JAKMIP3: variants seen among roughly 807,000 people sequenced by gnomAD.
The protein encoded by JAKMIP3 is janus kinase and microtubule-interacting protein 3.
JAKMIP3 carries 58 observed loss-of-function variants against 118.5 expected under a neutral mutation model. The ratio of observed to expected loss-of-function variants is 0.49; its 90% CI spans 0.40 to 0.61. The LOEUF (loss-of-function observed/expected upper bound fraction) is 0.61, where lower values mean the gene tolerates loss of function less well. JAKMIP3 is among the 20% of genes least tolerant of loss of function. The pLI is 0.00. For missense variants in JAKMIP3, 950 were observed against 1,109.0 expected (o/e 0.86, Z 2.04); for synonymous variants, 486 against 451.2 (o/e 1.08, Z -0.98).
chr10:132,043,359 T>G (rs1190636383), intron 1 of JAKMIP3, among the ~76,000 whole-genome samples: 2 of 152,086 alleles, frequency 1.3e-5, no homozygotes, highest in Non-Finnish European at 2.9e-5. Context: ...CATGAGCCAC[T>G]GCACCTGGCC....
intron 1 of JAKMIP3, among the ~76,000 whole-genome samples, chr10:132,084,633 G>A (rs1433351334): frequency 6.6e-6 from 1 of 152,110 alleles, no homozygotes; most frequent in African/African-American, 2.4e-5. Flanking sequence ...GGTGACAGTG[G>A]GTATCCTTGT....
chr10:132,176,780 A>T lies in JAKMIP3; in HGVS notation c.*1104-5577A>T, dbSNP rs12244282. 2.5e-3 allele frequency among the ~76,000 whole-genome samples: 385 copies of T among 151,808 alleles called. 2 individuals are homozygous for T. The highest frequency in any genetic ancestry group is 9.1e-3 in the African/African-American group (376 of 41,392). The stretch of plus-strand genomic sequence containing the variant: ...GGGCTTTACCTCCCCTCTGGTGGAC[A>T]TTTGGTTATTTCCAGGCTTCTGCTT... On this transcript the variant is annotated intron_variant, in intron 23 of 23. Coordinates refer to ENST00000684848, the MANE Select transcript of JAKMIP3 (RefSeq NM_001323087.2).
At chr10:132,043,835 GT>G (rs1235132229) in intron 1 of JAKMIP3, among the ~76,000 whole-genome samples, 1 of 152,198 alleles carries the variant, frequency 6.6e-6, no homozygotes, top group Non-Finnish European at 1.5e-5. Flanking sequence ...CTCCTGGGTT[GT>G]TTTCCTTAAC....
chr10:132,141,537 C>T (rs756187148), intron 10 of JAKMIP3, among the ~76,000 whole-genome samples: 2 of 152,158 alleles, frequency 1.3e-5, no homozygotes, highest in Non-Finnish European at 2.9e-5. Context: ...CAGAGCAGAG[C>T]GTGTGCAGGC....
At chr10:132,157,228 G>A (rs1379411904) in intron 19 of JAKMIP3, among the ~76,000 whole-genome samples, 2 of 152,130 alleles carry the variant, frequency 1.3e-5, no homozygotes, top group Non-Finnish European at 2.9e-5. Flanking sequence ...GAAGTGCGGG[G>A]TGTAACCACA....
intron 11 of JAKMIP3, among the ~76,000 whole-genome samples, chr10:132,142,898 A>G (rs941201835): frequency 1.3e-4 from 20 of 152,008 alleles, no homozygotes; most frequent in African/African-American, 4.8e-4. Flanking sequence ...CAATTCTGCA[A>G]CTTAGGGTGG....
chr10:132,153,139 T>G (rs1293521655), intron 17 of JAKMIP3, 116 bp downstream of exon 17: 73 of 781,990 alleles, frequency 9.3e-5, no homozygotes. Context: ...GTTTGGGGGG[T>G]CCACTAAGCC....
In JAKMIP3 at chr10:132,168,230, C is replaced by T. The variant is rs879431315; in HGVS notation, c.*300C>T. ...GGTCCCTTCTCCCGGACGGCAGCCC[C>T]CATCCCATTTCCAGGGATGTGTAGC... On this transcript the variant is annotated 3_prime_UTR_variant, in exon 23 of 24. Coordinates refer to ENST00000684848, the MANE Select transcript of JAKMIP3 (RefSeq NM_001323087.2). 1.1e-5 allele frequency: 14 copies of T among 1,289,232 alleles called. No individual in the cohort carries two copies. The Admixed American group carries it at 2.3e-4, about 21-fold the overall frequency. 79.9% of individuals were successfully genotyped at this position (1,289,232 alleles called of 1,614,324 possible).
chr10:132,082,168 T>C (rs977121119), intron 1 of JAKMIP3, among the ~76,000 whole-genome samples: 2 of 56,600 alleles, frequency 3.5e-5, no homozygotes, highest in Non-Finnish European at 5.9e-5. Context: ...CATTGTTTGT[T>C]TGGGGGGGGG....
At chr10:132,127,665 CT>C (rs2135563161) in intron 3 of JAKMIP3, among the ~76,000 whole-genome samples, 1 of 152,118 alleles carries the variant, frequency 6.6e-6, no homozygotes, top group African/African-American at 2.4e-5. Flanking sequence ...TCTCATCCCC[CT>C]GTTCCTTTTT....
Position 132,154,137 on chromosome 10 carries a change from C to T in JAKMIP3, c.2220+147C>T, listed in dbSNP as rs1050207242. ...CCCCTAATGACACCTGCACAGCAGG[C>T]TCTGGCTCTCCAGAGCTGCCTGATG... On this transcript the variant is annotated intron_variant, in intron 19 of 23. Transcript: ENST00000684848. 7 of 660,794 alleles carry T rather than the reference C, an allele frequency of 1.1e-5. No individual in the cohort carries two copies. The African/African-American group carries it at 1.3e-4, about 12-fold the overall frequency. 40.9% of individuals were successfully genotyped at this position (660,794 alleles called of 1,614,324 possible). A position where few individuals can be genotyped will look rare whatever the true frequency, so the allele number is the denominator to read the frequency against.
chr10:132,064,091 A>G (rs529942116), upstream of JAKMIP3, among the ~76,000 whole-genome samples: 3 of 152,280 alleles, frequency 2.0e-5, no homozygotes, highest in South Asian at 2.1e-4. This position sits in a 1 kb window ranked among gnomAD's most constrained non-coding sequence, Gnocchi z 4.4. Flanking sequence ...AAATGGCCCC[A>G]TTGTATTTGG....
chr10:132,085,092 G>T (rs1412963581), intron 1 of JAKMIP3, among the ~76,000 whole-genome samples: 1 of 152,032 alleles, frequency 6.6e-6, no homozygotes, highest in Non-Finnish European at 1.5e-5. Flanking sequence ...TTCATAGAAT[G>T]ATTTAGAGAG....
chr10:132,070,344 C>T (rs565373579), intron 1 of JAKMIP3, among the ~76,000 whole-genome samples: 35 of 152,174 alleles, frequency 2.3e-4, no homozygotes, highest in Admixed American at 5.9e-4. Context: ...GATGGGGTTT[C>T]GCCATGTTGG....
At chr10:132,083,614 C>G (rs780296695) in intron 1 of JAKMIP3, among the ~76,000 whole-genome samples, 1 of 152,126 alleles carries the variant, frequency 6.6e-6, no homozygotes, top group Non-Finnish European at 1.5e-5. Context: ...CCTAAGCCAA[C>G]GTCTAGAAGA....
At chr10:132,092,559 C>A (rs12220611) in intron 1 of JAKMIP3, among the ~76,000 whole-genome samples, 2 of 152,244 alleles carry the variant, frequency 1.3e-5, no homozygotes, top group Non-Finnish European at 1.5e-5. Flanking sequence ...TTGATCGAAT[C>A]GGCTACTGAA....
intron 19 of JAKMIP3, among the ~76,000 whole-genome samples, chr10:132,159,440 T>C (rs1466524591): frequency 2.3e-5 from 2 of 86,274 alleles, no homozygotes; most frequent in East Asian, 8.4e-4. Context: ...GTGTGTTTTT[T>C]CTGCGTGATG....
At chr10:132,122,264 G>A (rs545604075) in intron 3 of JAKMIP3, among the ~76,000 whole-genome samples, 56 of 151,910 alleles carry the variant, frequency 3.7e-4, no homozygotes, top group Non-Finnish European at 5.0e-4. Flanking sequence ...CCCCCCGGTC[G>A]GCTCCCCGGC....
At chr10:132,166,781 C>G (rs901341529) in intron 21 of JAKMIP3, among the ~76,000 whole-genome samples, 8 of 152,168 alleles carry the variant, frequency 5.3e-5, no homozygotes, top group Non-Finnish European at 1.2e-4. Context: ...CCAGTGCGTT[C>G]CTAGGGGTGG....
Sources: gnomAD v4.1 joint callset for allele counts (sites outside exome capture counted in the v4.1 genomes callset) on GRCh38, gnomAD v4.1.1 for gene constraint, Gnocchi (gnomAD v3.1) non-coding constraint, MANE v1.5 for transcripts, NCBI Gene and HGNC (gene_info 2026-07-23, HGNC 2026-07-21) for gene names.